The following HS1BP3 variants were observed in gnomAD, a reference collection of about 807,000 sequenced individuals.
HS1BP3 encodes the protein HCLS1-binding protein 3.
A neutral mutation model predicts 33.5 loss-of-function variants in HS1BP3; 32 were observed. The ratio of observed to expected loss-of-function variants is 0.95; its 90% CI spans 0.72 to 1.28. The LOEUF (loss-of-function observed/expected upper bound fraction) is 1.28. HS1BP3 is among the 50% of genes most tolerant of loss of function. The pLI, the probability that HS1BP3 is intolerant of heterozygous loss-of-function variation, is 0.00. For synonymous variants in HS1BP3, 187 were observed against 209.2 expected, an observed-to-expected ratio of 0.89 and a Z score of 0.92; for missense variants, 486 against 502.3, an observed-to-expected ratio of 0.97 and a Z score of 0.31.
chr2:20,593,460 A>G (rs1326083396), intron 3 of HS1BP3, among the ~76,000 whole-genome samples: 1 of 152,226 alleles, frequency 6.6e-6, no homozygotes, highest in Non-Finnish European at 1.5e-5. Flanking sequence ...GAGTGAATGA[A>G]TGAGCAAGAG....
intron 5 of HS1BP3, among the ~76,000 whole-genome samples, chr2:20,573,855 G>A (rs971069812): frequency 2.6e-5 from 4 of 152,162 alleles, no homozygotes; most frequent in South Asian, 2.1e-4. Context: ...ACACAACACC[G>A]CCATCCCCAC....
At chr2:20,625,069 C>T (rs1220481466) in intron 4 of HS1BP3, among the ~76,000 whole-genome samples, 177 bp from the exon 5 acceptor site, 1 of 152,226 alleles carries the variant, frequency 6.6e-6, no homozygotes, top group Non-Finnish European at 1.5e-5. Context: ...GCAGTCCAGG[C>T]AGGTGGAGCT....
chr2:20,640,884 G>C, intron 3 of HS1BP3, 89 bp downstream of exon 3: 2 of 1,297,458 alleles, frequency 1.5e-6, no homozygotes, highest in Non-Finnish European at 2.2e-6. Flanking sequence ...TGCAGAGGCA[G>C]CTGTGGACAT....
At chr2:20,561,521 C>G (rs958819844) in intron 5 of HS1BP3, among the ~76,000 whole-genome samples, 6 of 152,234 alleles carry the variant, frequency 3.9e-5, no homozygotes, top group African/African-American at 1.4e-4. Flanking sequence ...TGGCTTCCCT[C>G]CATCACACAC....
At chr2:20,610,037 TTTTTTA>T (rs1419466219) in intron 2 of HS1BP3, among the ~76,000 whole-genome samples, 4 of 152,178 alleles carry the variant, frequency 2.6e-5, no homozygotes, top group Non-Finnish European at 5.9e-5. Context: ...CTGTGGTTCC[TTTTTTA>T]TTTTTAAGTA....
chr2:20,584,391 C>T (rs913733178), intron 5 of HS1BP3, among the ~76,000 whole-genome samples: 2 of 152,206 alleles, frequency 1.3e-5, no homozygotes, highest in Non-Finnish European at 1.5e-5. Context: ...GCTCCAGCCT[C>T]CTGCCCTTGC....
chr2:20,648,100 T>C lies in HS1BP3; in HGVS notation c.33-2595A>G, dbSNP rs898233303. On this transcript the variant is annotated intron_variant, in intron 1 of 6. Coordinates refer to ENST00000304031, the MANE Select transcript of HS1BP3 (RefSeq NM_022460.4). ...GCGGCTCCGAGGCCCTCCCACCTAC[T>C]GAAGGACATAGCTGCTGCAGCTCAC... Among the ~76,000 whole-genome samples the C allele has an allele frequency of 7.9e-5, 12 of 152,220 alleles. 1 individual carries two copies. The highest frequency in any genetic ancestry group is 4.1e-4 in the South Asian group (2 of 4,830).
intron 6 of HS1BP3, among the ~76,000 whole-genome samples, chr2:20,620,543 G>A (rs777078751): frequency 1.3e-5 from 2 of 152,180 alleles, no homozygotes; most frequent in Non-Finnish European, 2.9e-5. Flanking sequence ...GAGTAACAGT[G>A]TCACTGGCAC....
downstream of HS1BP3, among the ~76,000 whole-genome samples, chr2:20,612,818 A>T (rs1694342447): frequency 6.6e-6 from 1 of 152,136 alleles, no homozygotes; most frequent in Non-Finnish European, 1.5e-5. Context: ...CTTTCTCTTT[A>T]GGTATATGCC....
At chr2:20,566,606 T>TG in intron 5 of HS1BP3, among the ~76,000 whole-genome samples, 1 of 150,482 alleles carries the variant, frequency 6.6e-6, no homozygotes, top group Middle Eastern at 3.4e-3. Flanking sequence ...ACAGGTTTTT[T>TG]TTTTTGTTTT....
At chr2:20,640,916 C>T (rs771649844) in intron 3 of HS1BP3, 57 bp downstream of exon 3, 31 of 1,540,166 alleles carry the variant, frequency 2.0e-5, no homozygotes, top group South Asian at 1.8e-4. Flanking sequence ...GGCACGGCAG[C>T]GGGGCCTAGT....
intron 4 of HS1BP3, among the ~76,000 whole-genome samples, chr2:20,627,320 C>T (rs1694816869): frequency 6.6e-6 from 1 of 152,258 alleles, no homozygotes; most frequent in African/African-American, 2.4e-5. Flanking sequence ...TCCCTGGCTC[C>T]TGGGGATTGA....
downstream of HS1BP3, among the ~76,000 whole-genome samples, chr2:20,558,249 G>A (rs539288483): frequency 1.6e-4 from 24 of 152,306 alleles, no homozygotes; most frequent in South Asian, 6.2e-4. Context: ...GGGCAGCAAC[G>A]TTGACGGTGG....
In HS1BP3 at chr2:20,619,081, G is replaced by A. The variant is rs759865091; in HGVS notation, c.1085C>T (p.Pro362Leu). Residue 362 changes from proline (P) to leucine (L), a missense_variant, in exon 7 of 7, where the codon CCG becomes CTG. Coordinates refer to ENST00000304031, the MANE Select transcript of HS1BP3 (RefSeq NM_022460.4). ...GTCCATGGCTTGGATCTGCTCCTGC[G>A]GCTTCTGCTGCCCAGCCACAGCTTC... is the stretch of plus-strand genomic sequence containing the variant. Reference protein sequence around the residue: ...PAEAVAGQQKPQEQIQAMDEM... With the variant: ...PAEAVAGQQKLQEQIQAMDEM... 44 of 1,614,020 alleles carry A rather than the reference G, an allele frequency of 2.7e-5. No individual in the cohort carries two copies. The highest frequency in any genetic ancestry group is 1.7e-4 in the Admixed American group (10 of 60,004).
intron 2 of HS1BP3, chr2:20,606,681 C>T (rs113529504): frequency 0.059 from 20,951 of 356,508 alleles, 794 homozygotes; most frequent in African/African-American, 0.11. Flanking sequence ...CAGCGGTGAA[C>T]GCTACAGCCT....
At position 20,623,936 on chromosome 2, in the gene HS1BP3, G is replaced by C. The variant is rs748258938; in HGVS notation, c.880C>G (p.Pro294Ala). The C allele has an allele frequency of 6.2e-7, 1 of 1,612,558 alleles. No homozygotes were observed. Among genetic ancestry groups the C allele is most frequent in the Admixed American group, 1.7e-5 (1 of 59,998 alleles). The stretch of plus-strand genomic sequence containing the variant: ...GAGGCGTCCCTGTGGCTGAGGCTGG[G>C]TGTGGGCCCTCCACTCTCACAGGCG... ...PAACESGGPT[P>A]SLSHRDASKE... The change falls in exon 6 of 7, where the codon CCC becomes GCC. Residue 294 changes from proline (P) to alanine (A), a missense_variant. Coordinates refer to ENST00000304031, the MANE Select transcript of HS1BP3 (RefSeq NM_022460.4).
intron 5 of HS1BP3, among the ~76,000 whole-genome samples, chr2:20,560,673 G>C (rs1403224285): frequency 3.9e-5 from 6 of 152,176 alleles, no homozygotes; most frequent in Admixed American, 3.9e-4. Flanking sequence ...GAGGCCCAGA[G>C]AGAAGGGACT....
chr2:20,612,416 C>A (rs986724880), intron 2 of HS1BP3, among the ~76,000 whole-genome samples: 1 of 152,184 alleles, frequency 6.6e-6, no homozygotes, highest in Non-Finnish European at 1.5e-5. Context: ...TCACAACAAG[C>A]CAACTTTAGA....
intron 5 of HS1BP3, among the ~76,000 whole-genome samples, chr2:20,567,726 G>T (rs1572289055): frequency 6.6e-6 from 1 of 152,334 alleles, no homozygotes; most frequent in Non-Finnish European, 1.5e-5. Flanking sequence ...AGGCTAGAAA[G>T]GTCACTCTCT....
Sources: gnomAD v4.1 joint callset for allele counts (sites outside exome capture counted in the v4.1 genomes callset) on GRCh38, gnomAD v4.1.1 for gene constraint, MANE v1.5 for transcripts, NCBI Gene and HGNC (gene_info 2026-07-23, HGNC 2026-07-21) for gene names.